ATPAF1: variants seen among roughly 807,000 people sequenced by gnomAD.
ATPAF1 encodes ATP synthase mitochondrial F1 complex assembly factor 1, also known as homolog of yeast ATP11.
ATPAF1 carries 26 observed loss-of-function variants against 43.9 expected under a neutral mutation model. The observed-to-expected ratio is 0.59, with a 90% CI of 0.43 to 0.82. ATPAF1 has a LOEUF of 0.82. Among genes scored for constraint, ATPAF1 ranks in the 40% least tolerant of loss-of-function variants. The pLI is 0.00. For missense variants in ATPAF1, 366 were observed against 435.0 expected (o/e 0.84, Z 1.41); for synonymous variants, 157 against 168.0 (o/e 0.93, Z 0.50).
At chr1:46,639,580 G>A (rs1158297800) in intron 8 of ATPAF1, among the ~76,000 whole-genome samples, 1 of 152,174 alleles carries the variant, frequency 6.6e-6, no homozygotes. Context: ...TAGTTCAGAA[G>A]AAATCTCTAG....
chr1:46,652,487 C>CTTATTAGT, intron 6 of ATPAF1, 94 bp downstream of exon 6: 39 of 1,257,910 alleles, frequency 3.1e-5, no homozygotes, highest in Non-Finnish European at 4.2e-5. Context: ...AGCACTATAA[C>CTTATTAGT]ATGTGAGACA....
Position 46,668,038 on chromosome 1 carries a change from A to G in ATPAF1, c.266+19T>C. The G allele has an allele frequency of 7.4e-7, 1 of 1,350,944 alleles. No individual in the cohort carries two copies. Among genetic ancestry groups the G allele is most frequent in the Non-Finnish European group, 9.5e-7 (1 of 1,052,706 alleles). 83.7% of individuals were successfully genotyped at this position (1,350,944 alleles called of 1,614,324 possible). ...CTCCTCCCGCCTCCTGCCCGCCTCC[A>G]GCCAACCCAGGCCCGCACCTGCGCA... On this transcript the variant is annotated intron_variant, in intron 1 of 8. Coordinates refer to ENST00000574428, the Ensembl canonical transcript of ATPAF1. This position sits in a 1 kb window ranked among gnomAD's most constrained non-coding sequence, Gnocchi z 4.4.
chr1:46,659,905 T>C (rs1178819079), intron 2 of ATPAF1, among the ~76,000 whole-genome samples: 1 of 152,182 alleles, frequency 6.6e-6, no homozygotes, highest in Non-Finnish European at 1.5e-5. Context: ...ACCTATACAC[T>C]GACAACATCC....
chr1:46,638,537 G>C (rs946069682), intron 8 of ATPAF1, among the ~76,000 whole-genome samples: 1 of 151,882 alleles, frequency 6.6e-6, no homozygotes, highest in Non-Finnish European at 1.5e-5. Context: ...CAGGAGAATG[G>C]CGTGAACCCG....
intron 6 of ATPAF1, among the ~76,000 whole-genome samples, chr1:46,649,751 C>T (rs1245451959): frequency 1.3e-5 from 2 of 151,996 alleles, no homozygotes; most frequent in Non-Finnish European, 2.9e-5. Flanking sequence ...TAAGTGAGAT[C>T]TTGTCTCTAC....
chr1:46,665,647 A>T (rs597221), intron 1 of ATPAF1: 69,715 of 1,533,858 alleles, frequency 0.045, 10,555 homozygotes, highest in African/African-American at 0.4. Context: ...AGGTACTTAC[A>T]TTCAGGGTAC....
intron 6 of ATPAF1, among the ~76,000 whole-genome samples, chr1:46,648,250 T>G (rs1676079731): frequency 6.6e-6 from 1 of 152,182 alleles, no homozygotes; most frequent in Non-Finnish European, 1.5e-5. Context: ...TAGCTGAGAT[T>G]ACAGGCACAC....
intron 1 of ATPAF1, among the ~76,000 whole-genome samples, chr1:46,666,550 C>A (rs890898425): frequency 8.5e-5 from 13 of 152,240 alleles, no homozygotes; most frequent in African/African-American, 3.1e-4. Context: ...TAAAAGTAAA[C>A]AAATGAAAGT....
chr1:46,658,197 G>T lies in ATPAF1; in HGVS notation c.427-8C>A. ...AAAGATTGAACTGAGAGTCTTGAAA[G>T]AGACAATAAAAAGCAATTAACACAT... is the stretch of plus-strand genomic sequence containing the variant. On this transcript the variant is annotated splice_polypyrimidine_tract_variant and splice_region_variant and intron_variant, in intron 3 of 8. Transcript: ENST00000574428. 1 of 1,536,154 alleles carries T rather than the reference G, an allele frequency of 6.5e-7. No homozygotes were observed. Among genetic ancestry groups the T allele is most frequent in the African/African-American group, 1.4e-5 (1 of 70,090 alleles).
At chr1:46,644,802 A>T (rs1260612451) in intron 7 of ATPAF1, among the ~76,000 whole-genome samples, 2 of 152,244 alleles carry the variant, frequency 1.3e-5, no homozygotes, top group Non-Finnish European at 1.5e-5. Context: ...AATAAAACAC[A>T]TTTAAGACTT....
chr1:46,635,695 G>T, exon 9 of ATPAF1: 1 of 1,368,172 alleles, frequency 7.3e-7, no homozygotes, highest in Non-Finnish European at 1.0e-6. Context: ...TAAATGCTGA[G>T]CTCTTGAGTT....
At chr1:46,650,401 G>A (rs1334483111) in intron 6 of ATPAF1, among the ~76,000 whole-genome samples, 1 of 151,480 alleles carries the variant, frequency 6.6e-6, no homozygotes, top group African/African-American at 2.4e-5. Context: ...TGGAGAAAGA[G>A]GAACTTTTGT....
chr1:46,643,925 A>AT (rs779116919), intron 7 of ATPAF1, among the ~76,000 whole-genome samples: 22 of 152,352 alleles, frequency 1.4e-4, no homozygotes, highest in Middle Eastern at 3.4e-3. Flanking sequence ...AAGCCCCTAC[A>AT]TAGCACAGGT....
In ATPAF1 at chr1:46,665,248, G is replaced by A; in HGVS notation, c.375+8C>T. ...TAAGCAAACACCACAAATGGGGGAA[G>A]GTCTTACCTTCTGTTCCACACATTT... On this transcript the variant is annotated splice_region_variant and intron_variant, in intron 2 of 8. Transcript: ENST00000574428. 6.2e-7 allele frequency: 1 copy of A among 1,613,396 alleles called. No individual in the cohort carries two copies.
rs1194269453 is a variant in ATPAF1 at position 46,658,666 on chromosome 1, T to C, written c.426+21A>G. 2.5e-6 allele frequency: 4 copies of C among 1,570,878 alleles called. No homozygotes were observed. In the African/African-American group the frequency reaches 4.1e-5, roughly 16 times the overall value. On this transcript the variant is annotated intron_variant, in intron 3 of 8. Coordinates refer to ENST00000574428, the Ensembl canonical transcript of ATPAF1. ...CCATATGACTTCAAGCTTTTTTTCC[T>C]ATATTTAATTAGAAACCTACCTTGT...
intron 6 of ATPAF1, among the ~76,000 whole-genome samples, chr1:46,645,768 C>T (rs745469735): frequency 6.6e-6 from 1 of 152,232 alleles, no homozygotes; most frequent in East Asian, 1.9e-4. Flanking sequence ...GTTCCCTCTG[C>T]ATTCCCTTCT....
At chr1:46,667,978 A>C in intron 1 of ATPAF1, 79 bp downstream of exon 1, 1 of 1,172,838 alleles carries the variant, frequency 8.5e-7, no homozygotes, top group South Asian at 2.5e-5. Context: ...CCCACCTCAC[A>C]GGGCTGTCCT....
At chr1:46,666,526 G>A (rs1676493973) in intron 1 of ATPAF1, among the ~76,000 whole-genome samples, 1 of 152,254 alleles carries the variant, frequency 6.6e-6, no homozygotes, top group South Asian at 2.1e-4. Flanking sequence ...ACTATCCAGT[G>A]GGAGAGACAG....
chr1:46,667,477 G>A (rs1213169748), intron 1 of ATPAF1, among the ~76,000 whole-genome samples: 1 of 152,136 alleles, frequency 6.6e-6, no homozygotes, highest in Non-Finnish European at 1.5e-5. Flanking sequence ...AGGGACCCTG[G>A]ACTCAGAGTC....
Sources: gnomAD v4.1 joint callset for allele counts (sites outside exome capture counted in the v4.1 genomes callset) on GRCh38, gnomAD v4.1.1 for gene constraint, Gnocchi (gnomAD v3.1) non-coding constraint, MANE v1.5 for transcripts, NCBI Gene and HGNC (gene_info 2026-07-23, HGNC 2026-07-21) for gene names.